CDH4: variants seen among roughly 807,000 people sequenced by gnomAD.
The protein encoded by CDH4 is cadherin-4.
In CDH4, 33 loss-of-function variants were observed where a neutral mutation model predicts 86.0. The observed-to-expected ratio is 0.38, with a 90% CI of 0.29 to 0.51. The LOEUF (loss-of-function observed/expected upper bound fraction) is 0.51. Ranked by LOEUF, CDH4 falls within the 20% of genes least tolerant of loss-of-function variation. The pLI is 0.86. For missense variants in CDH4, 1,114 were observed against 1,307.4 expected, an observed-to-expected ratio of 0.85 and a Z score of 2.28; for synonymous variants, 555 against 549.4, an observed-to-expected ratio of 1.01 and a Z score of -0.14.
intron 4 of CDH4, among the ~76,000 whole-genome samples, chr20:61,783,470 G>A (rs867193724): frequency 6.2e-4 from 92 of 149,124 alleles, no homozygotes; most frequent in Middle Eastern, 3.7e-3. Flanking sequence ...GACAGTTCTC[G>A]AGGCCCTCAG....
intron 2 of CDH4, among the ~76,000 whole-genome samples, chr20:61,716,725 A>G (rs1432719257): frequency 1.3e-5 from 2 of 152,156 alleles, no homozygotes; most frequent in African/African-American, 2.4e-5. Flanking sequence ...CCTGGCCAAC[A>G]TGGTGAAACC....
At chr20:61,884,284 G>A (rs1467741320) in intron 7 of CDH4, among the ~76,000 whole-genome samples, 2 of 152,210 alleles carry the variant, frequency 1.3e-5, no homozygotes, top group Non-Finnish European at 2.9e-5. Flanking sequence ...TCACTGTCCT[G>A]GCTGTGCAAA....
chr20:61,514,937 C>T (rs1458328111), intron 2 of CDH4, among the ~76,000 whole-genome samples: 1 of 152,268 alleles, frequency 6.6e-6, no homozygotes, highest in East Asian at 1.9e-4. Context: ...AGGCCCAGGG[C>T]ACACCTGCCT....
At chr20:61,341,298 A>G (rs1446441324) in intron 2 of CDH4, among the ~76,000 whole-genome samples, 2 of 152,258 alleles carry the variant, frequency 1.3e-5, no homozygotes, top group Non-Finnish European at 2.9e-5. Flanking sequence ...AATGGGGCAC[A>G]GAGCTTGACC....
rs1035268864 is a variant in CDH4 at position 61,773,154 on chromosome 20, G to T, written c.548G>T (p.Arg183Leu). 3.1e-6 allele frequency: 5 copies of T among 1,591,694 alleles called. No homozygotes were observed. Among genetic ancestry groups the T allele is most frequent in the Non-Finnish European group, 4.3e-6 (5 of 1,169,582 alleles). The change falls in exon 4 of 16, where the codon CGC becomes CTC. Residue 183 changes from arginine (R) to leucine (L), a missense_variant. Physicochemically the swap from Arg to Leu is moderately radical, Grantham distance 102. Coordinates refer to ENST00000614565, the MANE Select transcript of CDH4 (RefSeq NM_001794.5). ...IPPINVPENSRGPFPQQLVRI... is the reference protein window; with the variant it reads ...IPPINVPENSLGPFPQQLVRI... ...CCCATCAACGTGCCCGAGAACTCGC[G>T]CGGGCCCTTCCCGCAGCAGCTCGTG...
At chr20:61,295,572 C>G (rs2084347610) in intron 2 of CDH4, among the ~76,000 whole-genome samples, 1 of 152,096 alleles carries the variant, frequency 6.6e-6, no homozygotes, top group Non-Finnish European at 1.5e-5. Flanking sequence ...TATCGAATAA[C>G]TCCAGGAAGT....
intron 2 of CDH4, among the ~76,000 whole-genome samples, chr20:61,689,954 C>G (rs114972976): frequency 0.015 from 1,536 of 102,868 alleles, 72 homozygotes; most frequent in African/African-American, 0.06. Context: ...GGCTGGGACA[C>G]TGGTTGGTGA....
At chr20:61,691,391 ATG>A (rs965975600) in intron 2 of CDH4, among the ~76,000 whole-genome samples, 5 of 150,664 alleles carry the variant, frequency 3.3e-5, no homozygotes, top group East Asian at 2.0e-4. Context: ...ATTTGTGTGG[ATG>A]TGTGTGTGCA....
At chr20:61,893,250 G>A (rs117504975) in intron 7 of CDH4, among the ~76,000 whole-genome samples, 80 of 6,070 alleles carry the variant, frequency 0.013, 1 homozygote, top group South Asian at 0.022. Flanking sequence ...TGGTGGATGG[G>A]TGGGTGGGTG....
At chr20:61,310,931 C>A (rs1356405833) in intron 2 of CDH4, among the ~76,000 whole-genome samples, 2 of 152,206 alleles carry the variant, frequency 1.3e-5, no homozygotes, top group Non-Finnish European at 2.9e-5. Context: ...GCTCCAAATA[C>A]AGCCACGTTC....
intron 2 of CDH4, among the ~76,000 whole-genome samples, chr20:61,285,094 T>A (rs1417413475): frequency 6.6e-6 from 1 of 152,138 alleles, no homozygotes; most frequent in Non-Finnish European, 1.5e-5. Context: ...TGTTTGTTTG[T>A]TTGTTTGTTT....
chr20:61,257,205 C>T lies in CDH4; in HGVS notation c.169+2268C>T, dbSNP rs141078076. Among the ~76,000 whole-genome samples the T allele has an allele frequency of 3.0e-3, 456 of 152,310 alleles. 3 individuals are homozygous for T. Among genetic ancestry groups the T allele is most frequent in the African/African-American group, 0.01 (426 of 41,572 alleles). On this transcript the variant is annotated intron_variant, in intron 2 of 15. Coordinates refer to ENST00000614565, the MANE Select transcript of CDH4 (RefSeq NM_001794.5). ...CTCTGAGTAGGCCATGAGCTATCAG[C>T]GACTGCTCCGTGGCTCCTTCTCTTT...
chr20:61,896,602 G>T (rs771001529), intron 8 of CDH4, among the ~76,000 whole-genome samples: 15 of 152,234 alleles, frequency 9.9e-5, no homozygotes, highest in Non-Finnish European at 1.9e-4. Context: ...GCATTTAACC[G>T]GGCGCAGCCC....
At chr20:61,878,841 C>T (rs1009528845) in intron 7 of CDH4, among the ~76,000 whole-genome samples, 24 of 152,356 alleles carry the variant, frequency 1.6e-4, no homozygotes, top group African/African-American at 5.3e-4. Flanking sequence ...AATAGAAGTC[C>T]TGGAAGCTGC....
chr20:61,901,264 C>A (rs1398806939), intron 8 of CDH4, among the ~76,000 whole-genome samples: 1 of 152,174 alleles, frequency 6.6e-6, no homozygotes, highest in East Asian at 1.9e-4. Flanking sequence ...GGGCCTGCAA[C>A]TTCCTTCTGG....
chr20:61,525,801 G>A (rs1444183941), intron 2 of CDH4, among the ~76,000 whole-genome samples: 1 of 152,098 alleles, frequency 6.6e-6, no homozygotes, highest in Non-Finnish European at 1.5e-5. Flanking sequence ...CTCATTTCAG[G>A]GAGGAAGACT....
chr20:61,406,000 A>G (rs1021439319), intron 2 of CDH4, among the ~76,000 whole-genome samples: 3 of 152,170 alleles, frequency 2.0e-5, no homozygotes, highest in African/African-American at 7.2e-5. Context: ...ATAATTGATG[A>G]ACTTAATCAC....
chr20:61,695,649 C>T (rs2087707556), intron 2 of CDH4, among the ~76,000 whole-genome samples: 1 of 152,232 alleles, frequency 6.6e-6, no homozygotes, highest in Non-Finnish European at 1.5e-5. Flanking sequence ...ACCCCTGGAT[C>T]CTCCAGCACG....
intron 2 of CDH4, among the ~76,000 whole-genome samples, chr20:61,391,931 C>T (rs2084988356): frequency 6.6e-6 from 1 of 152,032 alleles, no homozygotes; most frequent in Non-Finnish European, 1.5e-5. Flanking sequence ...ACACTTCCCC[C>T]TGCCTGCATT....
Sources: allele counts gnomAD v4.1 joint callset (sites outside exome capture counted in the v4.1 genomes callset), GRCh38; gene constraint gnomAD v4.1.1; transcripts MANE v1.5; gene names NCBI Gene and HGNC (gene_info 2026-07-23, HGNC 2026-07-21).